The following FAM149A variants were observed in gnomAD, a reference collection of about 807,000 sequenced individuals.
FAM149A encodes the protein protein FAM149A.
In FAM149A, 71 loss-of-function variants were observed where a neutral mutation model predicts 78.2. That is an observed-to-expected ratio of 0.91 (90% confidence interval 0.75 to 1.11). The LOEUF (loss-of-function observed/expected upper bound fraction) is 1.11. Ranked by LOEUF, FAM149A falls within the 50% of genes least tolerant of loss-of-function variation. FAM149A has a pLI of 0.00. For missense variants in FAM149A, 1,036 were observed against 971.0 expected, an observed-to-expected ratio of 1.07 and a Z score of -0.89; for synonymous variants, 446 against 410.5, an observed-to-expected ratio of 1.09 and a Z score of -1.04.
intron 1 of FAM149A, chr4:186,132,049 A>C (rs561890797): frequency 3.0e-6 from 3 of 985,354 alleles, no homozygotes; most frequent in African/African-American, 1.7e-5. Context: ...AACACAAAAC[A>C]CAAAATAGCT....
At chr4:186,153,346 A>G (rs919411914) in intron 4 of FAM149A, 1 of 939,824 alleles carries the variant, frequency 1.1e-6, no homozygotes. Context: ...TGAGTCTGTC[A>G]TATATGATCT....
chr4:186,162,959 G>A lies in FAM149A; in HGVS notation c.1679+11G>A. 1.3e-6 allele frequency: 2 copies of A among 1,517,624 alleles called. No individual in the cohort carries two copies. The highest frequency in any genetic ancestry group is 1.8e-6 in the Non-Finnish European group (2 of 1,094,604). 94.0% of individuals were successfully genotyped at this position (1,517,624 alleles called of 1,614,324 possible). On this transcript the variant is annotated intron_variant, in intron 9 of 13. Transcript: ENST00000389354. ...TGCTGACAGAACGCAGTACGTATCA[G>A]AATCAGTAGTAGTTACCCAGCCTCT...
At chr4:186,117,499 G>A in intron 1 of FAM149A, 1 of 985,384 alleles carries the variant, frequency 1.0e-6, no homozygotes, top group South Asian at 4.7e-5. Context: ...CGATGTCAGG[G>A]GTCTGAGTTC....
chr4:186,123,460 T>C, intron 1 of FAM149A: 1 of 767,382 alleles, frequency 1.3e-6, no homozygotes, highest in East Asian at 1.3e-4. Flanking sequence ...GCAAGGCCCT[T>C]CATGGCTCTT....
intron 13 of FAM149A, among the ~76,000 whole-genome samples, chr4:186,168,475 C>T (rs1371625615): frequency 2.0e-5 from 3 of 152,196 alleles, no homozygotes; most frequent in South Asian, 4.1e-4. Flanking sequence ...GCTGCCACAG[C>T]CCCCCAAGTA....
chr4:186,142,517 T>C (rs1038893535), intron 1 of FAM149A, among the ~76,000 whole-genome samples: 3 of 152,208 alleles, frequency 2.0e-5, no homozygotes, highest in Non-Finnish European at 2.9e-5. Context: ...TCCATCTCTT[T>C]CATTCTGGGA....
At chr4:186,149,040 G>T in intron 1 of FAM149A, 133 bp from the exon 2 acceptor site, 4 of 429,702 alleles carry the variant, frequency 9.3e-6, no homozygotes, top group Non-Finnish European at 1.6e-5. Context: ...GTGCGCTCAT[G>T]CACAGGTGGG....
At chr4:186,133,889 C>T (rs548690894) in intron 1 of FAM149A, among the ~76,000 whole-genome samples, 1 of 152,168 alleles carries the variant, frequency 6.6e-6, no homozygotes, top group Non-Finnish European at 1.5e-5. Flanking sequence ...ACTCCTGGCT[C>T]AAGTGATCAG....
At chr4:186,111,300 T>G (rs990449983) in intron 1 of FAM149A, among the ~76,000 whole-genome samples, 2 of 152,134 alleles carry the variant, frequency 1.3e-5, no homozygotes, top group African/African-American at 4.8e-5. Context: ...TGTTAGTCCT[T>G]TGTCAGATGA....
Position 186,110,827 on chromosome 4 carries a change from C to G in FAM149A, c.566+5185C>G, listed in dbSNP as rs965210978. Among the ~76,000 whole-genome samples, 14 of 150,486 alleles carry G rather than the reference C, an allele frequency of 9.3e-5. 1 individual carries two copies. Among genetic ancestry groups the G allele is most frequent in the African/African-American group, 3.4e-4 (14 of 40,602 alleles). The stretch of plus-strand genomic sequence containing the variant: ...CATTTGGGTTGGTTCCAAGTCTTTG[C>G]TATTGTGAATAATGCCGCAATAAAC... On this transcript the variant is annotated intron_variant, in intron 1 of 13. Transcript: ENST00000389354.
Position 186,164,573 on chromosome 4 carries a change from T to C in FAM149A, c.1890-771T>C. On this transcript the variant is annotated intron_variant, in intron 10 of 13. Coordinates refer to ENST00000389354, the MANE Select transcript of FAM149A (RefSeq NM_001367768.3). The surrounding 1 kb of genome is among the most constrained non-coding windows in gnomAD (Gnocchi z 4.0). ...TTGGGACTGATGTTTCCAGCTGTGT[T>C]GGGTCTGCTGTGCTGATTCCTTCGA... The C allele has an allele frequency of 1.3e-6, 1 of 782,790 alleles. No homozygotes were observed. Among genetic ancestry groups the C allele is most frequent in the African/African-American group, 1.9e-5 (1 of 53,180 alleles). 48.5% of individuals were successfully genotyped at this position (782,790 alleles called of 1,614,324 possible).
At chr4:186,143,670 C>T (rs1194727235) in intron 1 of FAM149A, among the ~76,000 whole-genome samples, 1 of 152,074 alleles carries the variant, frequency 6.6e-6, no homozygotes, top group African/African-American at 2.4e-5. Flanking sequence ...GCTGGAATTA[C>T]AGGCACGCAC....
chr4:186,126,112 A>G, intron 1 of FAM149A: 1 of 985,122 alleles, frequency 1.0e-6, no homozygotes. Flanking sequence ...ATTTCCACAA[A>G]ATGAAATCCT....
In FAM149A at chr4:186,119,621, T is replaced by C. The variant is rs1029458917; in HGVS notation, c.566+13979T>C. On this transcript the variant is annotated intron_variant, in intron 1 of 13. Transcript: ENST00000389354. Reference sequence around the variant, plus strand: ...TCTTTATAACCATAACTTGAAATTATTTTTAAATATTGTGGAACTTCTATA... The same window carrying C: ...TCTTTATAACCATAACTTGAAATTACTTTTAAATATTGTGGAACTTCTATA... Among the ~76,000 whole-genome samples, 3 of 152,364 alleles carry C rather than the reference T, an allele frequency of 2.0e-5. No individual in the cohort carries two copies. In the South Asian group the frequency reaches 6.2e-4, roughly 32 times the overall value.
chr4:186,161,686 T>C (rs1040459712), intron 8 of FAM149A, among the ~76,000 whole-genome samples: 2 of 152,154 alleles, frequency 1.3e-5, no homozygotes, highest in African/African-American at 4.8e-5. Context: ...TATAATTACT[T>C]TGTTTGGATA....
Position 186,163,652 on chromosome 4 carries a change from A to T in FAM149A, c.1889+19A>T. On this transcript the variant is annotated intron_variant, in intron 10 of 13. Coordinates refer to ENST00000389354, the MANE Select transcript of FAM149A (RefSeq NM_001367768.3). ...CAAAACTGTGAGTCTCATTTCTTTC[A>T]TAGTAAACTAAAGGCCACGGAGGAC... The T allele has an allele frequency of 6.3e-7, 1 of 1,595,726 alleles. No homozygotes were observed.
chr4:186,168,016 T>C (rs559357580), intron 13 of FAM149A, among the ~76,000 whole-genome samples: 1 of 152,376 alleles, frequency 6.6e-6, no homozygotes, highest in East Asian at 1.9e-4. Flanking sequence ...ACCATTTGTA[T>C]TATAAATAAC....
At position 186,167,572 on chromosome 4, in the gene FAM149A, C is replaced by G. The variant is rs959873301; in HGVS notation, c.2218+310C>G. The G allele has an allele frequency of 1.3e-4, 48 of 371,976 alleles. 1 individual carries two copies. Among genetic ancestry groups the G allele is most frequent in the South Asian group, 1.1e-3 (42 of 38,460 alleles). 23.0% of individuals were successfully genotyped at this position (371,976 alleles called of 1,614,324 possible). ...CAGTGAGTACCTCTGTCTGCTATAG[C>G]GTTTTCATGCTCTATTTCTAAGTGA... On this transcript the variant is annotated intron_variant, in intron 13 of 13. Coordinates refer to ENST00000389354, the MANE Select transcript of FAM149A (RefSeq NM_001367768.3).
At position 186,104,959 on chromosome 4, in the gene FAM149A, T is replaced by G; in HGVS notation, c.-118T>G. On this transcript the variant is annotated 5_prime_UTR_variant, in exon 1 of 14. Transcript: ENST00000389354. Reference sequence around the variant, plus strand: ...CGGGGAGGAGAGGGAGCCAGGGGCCTCCGGGGCTCCGGGTGCGGGGACCTC... The same window carrying G: ...CGGGGAGGAGAGGGAGCCAGGGGCCGCCGGGGCTCCGGGTGCGGGGACCTC... 8.5e-7 allele frequency: 1 copy of G among 1,174,838 alleles called. No individual in the cohort carries two copies. The highest frequency in any genetic ancestry group is 1.1e-6 in the Non-Finnish European group (1 of 939,786). The allele number at this position is 1,174,838 out of a possible 1,614,324, so 72.8% of individuals were successfully genotyped here. A position where few individuals can be genotyped will look rare whatever the true frequency, so the allele number is the denominator to read the frequency against.
Sources: allele counts gnomAD v4.1 joint callset (sites outside exome capture counted in the v4.1 genomes callset), GRCh38; gene constraint gnomAD v4.1.1; non-coding constraint Gnocchi (gnomAD v3.1); transcripts MANE v1.5; gene names NCBI Gene and HGNC (gene_info 2026-07-23, HGNC 2026-07-21).